Variants in POTED observed in about 807,000 individuals in gnomAD.
The protein encoded by POTED is ANKRD26-like family B member 3.
Under a neutral mutation model 19.0 loss-of-function variants are expected in POTED, and 7 were observed. That is an observed-to-expected ratio of 0.37 (90% confidence interval 0.21 to 0.69). The LOEUF (loss-of-function observed/expected upper bound fraction) is 0.69, where lower values mean the gene tolerates loss of function less well. Among genes scored for constraint, POTED ranks in the 30% least tolerant of loss-of-function variants. POTED has a pLI of 0.56. For synonymous variants in POTED, 16 were observed against 92.0 expected, an observed-to-expected ratio of 0.17 and a Z score of 4.73; for missense variants, 54 against 278.5, an observed-to-expected ratio of 0.19 and a Z score of 5.74.
intron 6 of POTED, among the ~76,000 whole-genome samples, chr21:13,627,043 G>A (rs1455962636): frequency 8.6e-4 from 1 of 1,160 alleles, no homozygotes; most frequent in Non-Finnish European, 1.6e-3. Context: ...TGGTAAAGGT[G>A]CAGTAGAAAA....
chr21:13,643,445 A>G lies in POTED; in HGVS notation c.*1879A>G, dbSNP rs2011288821. Among the ~76,000 whole-genome samples the G allele has an allele frequency of 2.8e-5, 2 of 71,162 alleles. 1 individual carries two copies. The highest frequency in any genetic ancestry group is 2.3e-4 in the Admixed American group (2 of 8,652). The allele number at this position is 71,162 out of a possible 152,430, so 46.7% of individuals were successfully genotyped here. A position where few individuals can be genotyped will look rare whatever the true frequency, so the allele number is the denominator to read the frequency against. On this transcript the variant is annotated 3_prime_UTR_variant, in exon 11 of 11. Transcript: ENST00000299443. ...GATCAGGTCTAAGAGTTCTCTTCGT[A>G]AAAAAGGGGACTTGCTTAAAAAAGA...
chr21:13,629,590 T>G (rs1470707667), intron 7 of POTED, among the ~76,000 whole-genome samples: 1 of 64,026 alleles, frequency 1.6e-5, no homozygotes, highest in Non-Finnish European at 2.9e-5. Context: ...GTTTTTATTC[T>G]CCCTTTGTCT....
chr21:13,639,611 A>G lies in POTED; in HGVS notation c.1506A>G (p.Glu502=). 4.4e-6 allele frequency: 3 copies of G among 676,288 alleles called. No homozygotes were observed. The highest frequency in any genetic ancestry group is 5.9e-6 in the Non-Finnish European group (3 of 508,578). The allele number at this position is 676,288 out of a possible 1,614,324, so 41.9% of individuals were successfully genotyped here. ...TGACTAATAAACAAAAGCAGATAGAAGTGGCTGAACAGAAAATGAATTCTG... is the reference window on the plus strand; with the variant it reads ...TGACTAATAAACAAAAGCAGATAGAGGTGGCTGAACAGAAAATGAATTCTG... ...EILTNKQKQI[E]VAEQKMNSEL... The change falls in exon 10 of 11, where the codon GAA becomes GAG. Residue 502 remains glutamate (E), a synonymous_variant. Coordinates refer to ENST00000299443, the MANE Select transcript of POTED (RefSeq NM_174981.6).
intron 6 of POTED, among the ~76,000 whole-genome samples, chr21:13,627,251 C>T (rs1601485775): frequency 5.6e-5 from 1 of 17,842 alleles, no homozygotes; most frequent in East Asian, 5.0e-3. Context: ...TCAGGACCAT[C>T]CTGGCCAATG....
intron 10 of POTED, 64 bp downstream of exon 10, chr21:13,639,702 T>C: frequency 2.0e-6 from 1 of 500,594 alleles, no homozygotes. Flanking sequence ...AGCTTTATTT[T>C]GGAAGGTATA....
chr21:13,639,762 A>G lies in POTED; in HGVS notation c.1533+124A>G, dbSNP rs1045795591. 3.7e-6 allele frequency: 2 copies of G among 539,138 alleles called. 1 individual carries two copies. The highest frequency in any genetic ancestry group is 5.3e-5 in the South Asian group (2 of 37,728). 33.4% of individuals were successfully genotyped at this position (539,138 alleles called of 1,614,324 possible). On this transcript the variant is annotated intron_variant, in intron 10 of 10. Coordinates refer to ENST00000299443, the MANE Select transcript of POTED (RefSeq NM_174981.6). ...CACACGTGTGTGTGTGTGTATATAT[A>G]TGTGTGTGTGTATATATATACACAC...
rs1430274826 is a variant in POTED at position 13,635,345 on chromosome 21, A to AT, written c.1410-4163dup. ...ATAATAAGCTACATTCTTTATATTAATTTTTTTATTTAGAGAGAAAAGCCC... is the reference window on the plus strand; with the variant it reads ...ATAATAAGCTACATTCTTTATATTAATTTTTTTTATTTAGAGAGAAAAGCCC... On this transcript the variant is annotated intron_variant, in intron 9 of 10. Coordinates refer to ENST00000299443, the MANE Select transcript of POTED (RefSeq NM_174981.6). Among the ~76,000 whole-genome samples, 3 of 31,528 alleles carry AT rather than the reference A, an allele frequency of 9.5e-5. 1 individual carries two copies. In the African/African-American group the frequency reaches 1.0e-3, roughly 11 times the overall value. 20.7% of individuals were successfully genotyped at this position (31,528 alleles called of 152,430 possible). A position where few individuals can be genotyped will look rare whatever the true frequency, so the allele number is the denominator to read the frequency against.
intron 3 of POTED, among the ~76,000 whole-genome samples, chr21:13,616,165 T>C: frequency 9.7e-6 from 1 of 103,414 alleles, no homozygotes; most frequent in Non-Finnish European, 1.9e-5. Context: ...TGTGTGTGTG[T>C]GTGTGTTGTT....
chr21:13,637,289 C>T lies in POTED; in HGVS notation c.1410-2226C>T, dbSNP rs1226056234. Among the ~76,000 whole-genome samples the T allele has an allele frequency of 5.5e-5, 4 of 72,638 alleles. 2 individuals are homozygous for T. Among genetic ancestry groups the T allele is most frequent in the Non-Finnish European group, 9.4e-5 (4 of 42,714 alleles). The allele number at this position is 72,638 out of a possible 152,430, so 47.7% of individuals were successfully genotyped here. ...TTCACCACATCCACACCAACATCTGCTGTTTTTTTTATTTTAGTAGTGACC... is the reference window on the plus strand; with the variant it reads ...TTCACCACATCCACACCAACATCTGTTGTTTTTTTTATTTTAGTAGTGACC... On this transcript the variant is annotated intron_variant, in intron 9 of 10. Coordinates refer to ENST00000299443, the MANE Select transcript of POTED (RefSeq NM_174981.6).
chr21:13,614,201 A>G (rs2011151564), intron 1 of POTED, among the ~76,000 whole-genome samples: 1 of 102,220 alleles, frequency 9.8e-6, no homozygotes, highest in South Asian at 3.1e-4. Flanking sequence ...GTATAAATCT[A>G]AGTATTGAAA....
chr21:13,643,265 AGTG>A lies in POTED; in HGVS notation c.*1704_*1706del, dbSNP rs1217960248. 7.3e-5 allele frequency among the ~76,000 whole-genome samples: 2 copies of A among 27,448 alleles called. 1 individual carries two copies. The highest frequency in any genetic ancestry group is 1.1e-4 in the Non-Finnish European group (2 of 18,340). 18.0% of individuals were successfully genotyped at this position (27,448 alleles called of 152,430 possible). A position where few individuals can be genotyped will look rare whatever the true frequency, so the allele number is the denominator to read the frequency against. Reference sequence around the variant, plus strand: ...GGTGGAGCCCCCAGGAGACAAGGAAAGTGGTGGAGCAGCAAGTCAGCTGATGTG... The same window carrying A: ...GGTGGAGCCCCCAGGAGACAAGGAAAGTGGAGCAGCAAGTCAGCTGATGTG... On this transcript the variant is annotated 3_prime_UTR_variant, in exon 11 of 11. Coordinates refer to ENST00000299443, the MANE Select transcript of POTED (RefSeq NM_174981.6).
chr21:13,645,304 A>C lies in POTED; in HGVS notation c.*3738A>C, dbSNP rs2334605. The stretch of plus-strand genomic sequence containing the variant: ...AGACACATAATCGTCAGATTTTCTG[A>C]GGTCAAAATAAAAGAAAAAATGTTA... On this transcript the variant is annotated 3_prime_UTR_variant, in exon 11 of 11. Coordinates refer to ENST00000299443, the MANE Select transcript of POTED (RefSeq NM_174981.6). Among the ~76,000 whole-genome samples the C allele has an allele frequency of 2.2e-5, 3 of 134,942 alleles. No individual in the cohort carries two copies. The highest frequency in any genetic ancestry group is 2.2e-4 in the Admixed American group (3 of 13,902). 88.5% of individuals were successfully genotyped at this position (134,942 alleles called of 152,430 possible).
intron 1 of POTED, among the ~76,000 whole-genome samples, chr21:13,612,528 G>C (rs2011144772): frequency 1.2e-5 from 1 of 83,088 alleles, no homozygotes; most frequent in Non-Finnish European, 2.1e-5. Flanking sequence ...ACTGTTTTCT[G>C]TCCACAAAGT....
chr21:13,610,546 C>G lies in POTED; in HGVS notation c.318C>G (p.Phe106Leu). The change falls in exon 1 of 11, where the codon TTC (phenylalanine) becomes TTG (leucine). Residue 106 changes from phenylalanine to leucine, a missense_variant. Physicochemically the swap from Phe to Leu is conservative, Grantham distance 22. Around this residue, in one of 3 missense-constraint regions of POTED, gnomAD observed 38 missense variants for 163.8 expected, o/e 0.23. Coordinates refer to ENST00000299443, the MANE Select transcript of POTED (RefSeq NM_174981.6). Reference sequence around the variant, plus strand: ...TGGGCAAGTGGTGCTGTCACTGCTTCCCCTGCTGCAGGGGGAGCGGCAAGA... The same window carrying G: ...TGGGCAAGTGGTGCTGTCACTGCTTGCCCTGCTGCAGGGGGAGCGGCAAGA... ...SKMGKWCCHC[F>L]PCCRGSGKSN... The G allele has an allele frequency of 5.6e-6, 6 of 1,078,182 alleles. 2 individuals are homozygous for G. Among genetic ancestry groups the G allele is most frequent in the Non-Finnish European group, 6.0e-6 (5 of 832,060 alleles). 66.8% of individuals were successfully genotyped at this position (1,078,182 alleles called of 1,614,324 possible).
At chr21:13,631,535 C>T (rs2011214168) in intron 9 of POTED, among the ~76,000 whole-genome samples, 1 of 71,222 alleles carries the variant, frequency 1.4e-5, no homozygotes, top group South Asian at 4.2e-4. Context: ...TGTTATTCTC[C>T]TCTTTGTGTC....
At position 13,641,381 on chromosome 21, in the gene POTED, C is replaced by G; in HGVS notation, c.1570C>G (p.Arg524Gly). Residue 524 changes from arginine to glycine, a missense_variant, in exon 11 of 11, where the codon CGT (arginine) becomes GGT (glycine). Physicochemically the swap from Arg to Gly is moderately radical, Grantham distance 125. Coordinates refer to ENST00000299443, the MANE Select transcript of POTED (RefSeq NM_174981.6). ...TCATAAGAAAGAAGAAGATCTCTTG[C>G]GTGAAAACAGCGTGTTGCAGGAAGA... is the stretch of plus-strand genomic sequence containing the variant. Reference protein sequence around the residue: ...LSHKKEEDLLRENSVLQEEIA... With the variant: ...LSHKKEEDLLGENSVLQEEIA... The G allele has an allele frequency of 9.4e-7, 1 of 1,066,096 alleles. No individual in the cohort carries two copies. Among genetic ancestry groups the G allele is most frequent in the Non-Finnish European group, 1.2e-6 (1 of 820,234 alleles). 66.0% of individuals were successfully genotyped at this position (1,066,096 alleles called of 1,614,324 possible). A position where few individuals can be genotyped will look rare whatever the true frequency, so the allele number is the denominator to read the frequency against.
chr21:13,627,659 C>T (rs142572594), intron 6 of POTED, among the ~76,000 whole-genome samples: 3,887 of 35,840 alleles, frequency 0.11, 505 homozygotes, highest in African/African-American at 0.28. Context: ...ACCAGCTCAG[C>T]GGATTTGCAT....
In POTED at chr21:13,610,792, G is replaced by T; in HGVS notation, c.521+43G>T. On this transcript the variant is annotated intron_variant, in intron 1 of 10. Transcript: ENST00000299443. ...GGGAGGAGGCAGGACATGGGGGGAT[G>T]ATGGGGACATACCCTCCTGGCGCAG... 2 of 1,069,214 alleles carry T rather than the reference G, an allele frequency of 1.9e-6. 1 individual carries two copies. The highest frequency in any genetic ancestry group is 2.4e-6 in the Non-Finnish European group (2 of 827,652). 66.2% of individuals were successfully genotyped at this position (1,069,214 alleles called of 1,614,324 possible).
intron 9 of POTED, among the ~76,000 whole-genome samples, chr21:13,634,128 A>C (rs1370327285): frequency 1.5e-5 from 1 of 67,574 alleles, no homozygotes; most frequent in Non-Finnish European, 2.5e-5. Context: ...GTTAAGGGCA[A>C]CTCTTCCAGT....
Sources: allele counts gnomAD v4.1 joint callset (sites outside exome capture counted in the v4.1 genomes callset), GRCh38; gene constraint gnomAD v4.1.1; regional missense constraint gnomAD v4.1.1; transcripts MANE v1.5; gene names NCBI Gene and HGNC (gene_info 2026-07-23, HGNC 2026-07-21).